Variants in DENND1B observed in about 807,000 individuals in gnomAD.
DENND1B encodes the protein DENN domain-containing protein 1B.
A neutral mutation model predicts 90.1 loss-of-function variants in DENND1B; 59 were observed. The observed-to-expected ratio is 0.65, with a 90% CI of 0.53 to 0.81. The LOEUF (loss-of-function observed/expected upper bound fraction) is 0.81, where lower values mean the gene tolerates loss of function less well. Among genes scored for constraint, DENND1B ranks in the 40% least tolerant of loss-of-function variants. The pLI, the probability that DENND1B is intolerant of heterozygous loss-of-function variation, is 0.00. For synonymous variants in DENND1B, 337 were observed against 324.6 expected (o/e 1.04, Z -0.41); for missense variants, 862 against 912.6 (o/e 0.94, Z 0.71).
At chr1:197,733,963 C>G (rs184540464) in intron 2 of DENND1B, 4 of 466,978 alleles carry the variant, frequency 8.6e-6, no homozygotes, top group African/African-American at 8.5e-5. Flanking sequence ...ATATTCTAAT[C>G]TCTTGCATTT....
intron 3 of DENND1B, among the ~76,000 whole-genome samples, chr1:197,679,651 G>A (rs1452806926): frequency 2.7e-5 from 4 of 149,854 alleles, no homozygotes; most frequent in Non-Finnish European, 5.9e-5. Flanking sequence ...AATATTTTGT[G>A]TATGTATATA....
At chr1:197,555,917 C>G (rs903564191) in intron 15 of DENND1B, among the ~76,000 whole-genome samples, 2 of 152,010 alleles carry the variant, frequency 1.3e-5, no homozygotes, top group African/African-American at 4.8e-5. Flanking sequence ...ATGTTTATCC[C>G]GGCACTATTG....
At chr1:197,732,308 G>A (rs1483144922) in intron 2 of DENND1B, among the ~76,000 whole-genome samples, 1 of 152,092 alleles carries the variant, frequency 6.6e-6, no homozygotes, top group Non-Finnish European at 1.5e-5. Context: ...CCACCTATGT[G>A]TTTCACGTGT....
At chr1:197,520,696 G>A (rs978586263) in intron 20 of DENND1B, among the ~76,000 whole-genome samples, 14 of 151,620 alleles carry the variant, frequency 9.2e-5, no homozygotes, top group African/African-American at 3.4e-4. Context: ...ACATTTTTTT[G>A]GATGTAAAAT....
chr1:197,624,561 T>C (rs560286995), intron 10 of DENND1B, among the ~76,000 whole-genome samples: 3 of 151,772 alleles, frequency 2.0e-5, no homozygotes, highest in Admixed American at 6.6e-5. Context: ...AAAAAATTAA[T>C]TGATAAGCTG....
At chr1:197,715,187 A>G (rs1660531694) in intron 2 of DENND1B, 113 bp from the exon 3 acceptor site, 2 of 730,070 alleles carry the variant, frequency 2.7e-6, no homozygotes, top group South Asian at 2.4e-5. Context: ...CAACATTTAA[A>G]TTTTTCTTTA....
At chr1:197,538,657 T>A (rs1472943208) in intron 20 of DENND1B, among the ~76,000 whole-genome samples, 1 of 63,554 alleles carries the variant, frequency 1.6e-5, no homozygotes, top group Non-Finnish European at 3.8e-5. Context: ...ATTAATGGGA[T>A]TTTTTTTTTT....
intron 3 of DENND1B, chr1:197,685,852 C>G (rs1447000815): frequency 1.3e-5 from 2 of 152,032 alleles, no homozygotes; most frequent in South Asian, 2.1e-4. Flanking sequence ...CTACCTTATC[C>G]ATTATAGAAG....
intron 2 of DENND1B, among the ~76,000 whole-genome samples, chr1:197,764,571 C>T (rs1459336911): frequency 2.6e-5 from 4 of 152,046 alleles, no homozygotes; most frequent in Middle Eastern, 6.3e-3. Flanking sequence ...AGTATCAACA[C>T]GTATGGTGGA....
At chr1:197,626,528 T>G (rs1291793024) in intron 10 of DENND1B, among the ~76,000 whole-genome samples, 1 of 152,062 alleles carries the variant, frequency 6.6e-6, no homozygotes, top group African/African-American at 2.4e-5. Flanking sequence ...TTCAAAGCAG[T>G]GTGTAGAGGG....
At chr1:197,665,300 C>T (rs541825073) in intron 5 of DENND1B, among the ~76,000 whole-genome samples, 11 of 152,196 alleles carry the variant, frequency 7.2e-5, no homozygotes, top group South Asian at 2.1e-4. Context: ...GCAATTTTCT[C>T]GGAACTCCGA....
At chr1:197,763,821 A>G (rs1655385226) in intron 2 of DENND1B, among the ~76,000 whole-genome samples, 1 of 152,214 alleles carries the variant, frequency 6.6e-6, no homozygotes, top group African/African-American at 2.4e-5. Context: ...TATATGCACT[A>G]TACAACCTCT....
intron 5 of DENND1B, among the ~76,000 whole-genome samples, chr1:197,667,899 T>C (rs953574207): frequency 2.0e-5 from 3 of 152,168 alleles, no homozygotes; most frequent in African/African-American, 4.8e-5. Flanking sequence ...TATCATAACA[T>C]CTCAGAGTTT....
chr1:197,586,150 G>A (rs1391565688), intron 14 of DENND1B, among the ~76,000 whole-genome samples: 5 of 151,994 alleles, frequency 3.3e-5, no homozygotes, highest in African/African-American at 1.2e-4. Context: ...ATTTTCTCCT[G>A]AGATCCAACA....
At chr1:197,745,377 G>T (rs1439462537) in intron 2 of DENND1B, among the ~76,000 whole-genome samples, 1 of 151,984 alleles carries the variant, frequency 6.6e-6, no homozygotes, top group Non-Finnish European at 1.5e-5. Flanking sequence ...GACACTTAGA[G>T]GCCATTGTAG....
chr1:197,678,321 A>G (rs1656302183), intron 3 of DENND1B, among the ~76,000 whole-genome samples: 1 of 152,208 alleles, frequency 6.6e-6, no homozygotes, highest in Non-Finnish European at 1.5e-5. Context: ...ACACCATATC[A>G]TATAAGGACA....
chr1:197,568,026 G>T (rs901572548), intron 15 of DENND1B, among the ~76,000 whole-genome samples: 3 of 150,372 alleles, frequency 2.0e-5, no homozygotes, highest in African/African-American at 7.4e-5. Flanking sequence ...AGGAAGGAAG[G>T]GACGGAGGGA....
chr1:197,634,331 C>T (rs1382866197), intron 10 of DENND1B, among the ~76,000 whole-genome samples: 1 of 152,130 alleles, frequency 6.6e-6, no homozygotes, highest in African/African-American at 2.4e-5. Flanking sequence ...CTGGTCATAT[C>T]CAGACTGATA....
chr1:197,620,212 A>C (rs1236895548), intron 10 of DENND1B, among the ~76,000 whole-genome samples: 1 of 151,284 alleles, frequency 6.6e-6, no homozygotes, highest in East Asian at 1.9e-4. Flanking sequence ...AAATGAGAAA[A>C]TACTATTATG....
Sources: allele counts gnomAD v4.1 joint callset (sites outside exome capture counted in the v4.1 genomes callset), GRCh38; gene constraint gnomAD v4.1.1; transcripts MANE v1.5; gene names NCBI Gene and HGNC (gene_info 2026-07-23, HGNC 2026-07-21).